The following CFAP58 variants were observed in gnomAD, a reference collection of about 807,000 sequenced individuals.
CFAP58 encodes cilia and flagella associated protein 58.
Under a neutral mutation model 119.5 loss-of-function variants are expected in CFAP58, and 88 were observed. The ratio of observed to expected loss-of-function variants is 0.74; its 90% CI spans 0.62 to 0.88. The LOEUF (loss-of-function observed/expected upper bound fraction) is 0.88. Among genes scored for constraint, CFAP58 ranks in the 40% least tolerant of loss-of-function variants. The pLI is 0.00. For missense variants in CFAP58, 990 were observed against 1,021.2 expected (o/e 0.97, Z 0.42); for synonymous variants, 365 against 366.3 (o/e 1.00, Z 0.04).
chr10:104,349,558 A>AG (rs144391416), upstream of CFAP58, among the ~76,000 whole-genome samples: 1,341 of 152,308 alleles, frequency 8.8e-3, 18 homozygotes, highest in African/African-American at 0.03. Context: ...ATTCTGAAGT[A>AG]GGGGGCATCT....
chr10:104,370,821 C>T, intron 6 of CFAP58, 74 bp from the exon 7 acceptor site: 1 of 1,346,868 alleles, frequency 7.4e-7, no homozygotes, highest in South Asian at 1.5e-5. Flanking sequence ...TTTATTGGTT[C>T]TGAGTTTACC....
intron 6 of CFAP58, among the ~76,000 whole-genome samples, chr10:104,370,557 A>G (rs1589911694): frequency 6.6e-6 from 1 of 152,122 alleles, no homozygotes; most frequent in Admixed American, 6.6e-5. Context: ...TGATTCAATT[A>G]CCTCCCATCG....
chr10:104,397,499 A>G (rs2012185481), intron 11 of CFAP58, among the ~76,000 whole-genome samples: 1 of 152,118 alleles, frequency 6.6e-6, no homozygotes, highest in Admixed American at 6.5e-5. Flanking sequence ...AGAATTAATG[A>G]CTTTTGGTTT....
intron 15 of CFAP58, among the ~76,000 whole-genome samples, chr10:104,445,601 A>C (rs1326588218): frequency 1.3e-5 from 2 of 152,112 alleles, no homozygotes; most frequent in African/African-American, 2.4e-5. Context: ...CCATGATATC[A>C]TGTAGATGGA....
intron 15 of CFAP58, among the ~76,000 whole-genome samples, chr10:104,416,197 T>C (rs1248712433): frequency 6.6e-6 from 1 of 152,196 alleles, no homozygotes; most frequent in Non-Finnish European, 1.5e-5. Context: ...GAAGGGTTAA[T>C]TACGTTCGGG....
the CFAP58 span, among the ~76,000 whole-genome samples, chr10:104,341,948 C>T: frequency 7.9e-5 from 12 of 152,286 alleles, no homozygotes; most frequent in African/African-American, 2.6e-4. Context: ...TCCTCCTTCA[C>T]CCCTATTCTT....
intron 1 of CFAP58, among the ~76,000 whole-genome samples, chr10:104,357,846 T>C (rs190897692): frequency 0.015 from 700 of 46,168 alleles, 26 homozygotes; most frequent in East Asian, 0.014. Flanking sequence ...TACACATATG[T>C]ACACATATAT....
chr10:104,441,203 A>G (rs1359081748), intron 15 of CFAP58, among the ~76,000 whole-genome samples: 1 of 152,120 alleles, frequency 6.6e-6, no homozygotes, highest in Non-Finnish European at 1.5e-5. Flanking sequence ...AGATTTTGCC[A>G]TGTTGGCCAG....
intron 14 of CFAP58, among the ~76,000 whole-genome samples, chr10:104,406,218 C>T (rs757312168): frequency 5.9e-5 from 9 of 152,304 alleles, no homozygotes; most frequent in African/African-American, 1.2e-4. Flanking sequence ...GGCGTGATTC[C>T]GGCTCTGAGC....
At chr10:104,440,851 C>CGG in intron 15 of CFAP58, among the ~76,000 whole-genome samples, 1 of 152,096 alleles carries the variant, frequency 6.6e-6, no homozygotes, top group Non-Finnish European at 1.5e-5. Flanking sequence ...TTCCGTGGCC[C>CGG]ACCAAATTGA....
rs1366688554 is a variant in CFAP58 at position 104,399,446 on chromosome 10, A to G, written c.1761A>G (p.Arg587=). Residue 587 remains arginine, a synonymous_variant, in exon 12 of 18, where the codon CGA becomes CGG. Transcript: ENST00000369704. The part of the protein sequence containing the change: ...KQEAEERKLL[R]IIAEADGERL... ...AAGCTGAAGAGAGAAAACTCCTGCG[A>G]ATAATTGCTGAGGCTGACGGGGAGA... is the stretch of plus-strand genomic sequence containing the variant. The G allele has an allele frequency of 6.2e-7, 1 of 1,614,006 alleles. No individual in the cohort carries two copies. The highest frequency in any genetic ancestry group is 1.7e-5 in the Admixed American group (1 of 59,982).
chr10:104,346,653 T>TTTTTTTTTTTTA, the CFAP58 span, among the ~76,000 whole-genome samples: 1 of 146,286 alleles, frequency 6.8e-6, no homozygotes, highest in African/African-American at 2.6e-5. Context: ...TTTTTTTTTT[T>TTTTTTTTTTTTA]GAGACCAAGT....
At chr10:104,378,913 TA>T (rs35459140) in intron 8 of CFAP58, among the ~76,000 whole-genome samples, 41,476 of 140,238 alleles carry the variant, frequency 0.3, 5,738 homozygotes, top group Admixed American at 0.37. Context: ...CAGTGCAGCT[TA>T]AAAAAAAAAA....
intron 15 of CFAP58, among the ~76,000 whole-genome samples, chr10:104,410,673 A>C (rs923307719): frequency 6.6e-6 from 1 of 151,852 alleles, no homozygotes; most frequent in Non-Finnish European, 1.5e-5. Flanking sequence ...TTTGCCTTTG[A>C]TGTTTCAGAG....
the CFAP58 span, among the ~76,000 whole-genome samples, chr10:104,346,397 G>T: frequency 4.0e-5 from 6 of 151,876 alleles, no homozygotes; most frequent in Non-Finnish European, 7.4e-5. Flanking sequence ...ACCTAGGCTG[G>T]AGTGCAGTGA....
chr10:104,385,977 G>A (rs1228773270), intron 9 of CFAP58, among the ~76,000 whole-genome samples: 1 of 151,938 alleles, frequency 6.6e-6, no homozygotes, highest in Non-Finnish European at 1.5e-5. Flanking sequence ...ATAGGAAAAT[G>A]AGTGGAAGGA....
Position 104,362,166 on chromosome 10 carries a change from T to A in CFAP58, c.435T>A (p.His145Gln), listed in dbSNP as rs2014675960. 6.2e-7 allele frequency: 1 copy of A among 1,612,154 alleles called. No individual in the cohort carries two copies. Among genetic ancestry groups the A allele is most frequent in the African/African-American group, 1.3e-5 (1 of 74,920 alleles). ...GGTCTGGACTGTCAATGGACCAGCA[T>A]AGCAAGTAGGTCATAGCCTTGTTGA... The part of the protein sequence containing the change: ...EQGSGLSMDQ[H>Q]SNIRDLLRFK... The change falls in exon 3 of 18, where the codon CAT becomes CAA. Residue 145 changes from histidine (H) to glutamine (Q), a missense_variant. His to Gln is a conservative substitution (Grantham distance 24, BLOSUM62 0). Transcript: ENST00000369704.
chr10:104,408,963 G>C (rs1391506653), intron 15 of CFAP58, among the ~76,000 whole-genome samples: 1 of 152,100 alleles, frequency 6.6e-6, no homozygotes, highest in East Asian at 1.9e-4. Flanking sequence ...AGCCAGGCGT[G>C]GGGGCGTGCA....
intron 3 of CFAP58, among the ~76,000 whole-genome samples, chr10:104,364,176 C>T (rs1446784462): frequency 6.6e-6 from 1 of 152,102 alleles, no homozygotes; most frequent in East Asian, 1.9e-4. Context: ...TTATTTTGTT[C>T]TGTTTATGCT....
Sources: gnomAD v4.1 joint callset for allele counts (sites outside exome capture counted in the v4.1 genomes callset) on GRCh38, gnomAD v4.1.1 for gene constraint, MANE v1.5 for transcripts, NCBI Gene and HGNC (gene_info 2026-07-23, HGNC 2026-07-21) for gene names.